The following KMT2D variants were observed in gnomAD, a reference collection of about 807,000 sequenced individuals.
The protein encoded by KMT2D is histone-lysine N-methyltransferase 2D.
In KMT2D, 55 loss-of-function variants were observed where a neutral mutation model predicts 512.7. That is an observed-to-expected ratio of 0.11 (90% confidence interval 0.09 to 0.13). The LOEUF is 0.13. Among genes scored for constraint, KMT2D ranks in the 10% least tolerant of loss-of-function variants. KMT2D has a pLI of 1.00. For synonymous variants in KMT2D, 2,995 were observed against 2,904.0 expected (o/e 1.03, Z -1.01); for missense variants, 6,061 against 7,127.9 (o/e 0.85, Z 5.39).
Position 49,041,704 on chromosome 12 carries a change from T to C in KMT2D, c.6185A>G (p.Gln2062Arg), listed in dbSNP as rs1943539925. 1 of 1,610,632 alleles carries C rather than the reference T, an allele frequency of 6.2e-7. No homozygotes were observed. The highest frequency in any genetic ancestry group is 8.5e-7 in the Non-Finnish European group (1 of 1,178,266). ...VPAADKAPYLQKAKDNRAAHR... is the reference protein window; with the variant it reads ...VPAADKAPYLRKAKDNRAAHR... ...AGCTGCCCGGTTATCTTTGGCCTTT[T>C]GCTGAGGGATATGGGACACAGCCTT... The change falls in exon 31 of 55, where the codon CAA becomes CGA. Residue 2062 changes from glutamine to arginine, a missense_variant and splice_region_variant. Coordinates refer to ENST00000301067, the MANE Select transcript of KMT2D (RefSeq NM_003482.4). This position sits in a 1 kb window ranked among gnomAD's most constrained non-coding sequence, Gnocchi z 5.4.
Position 49,051,424 on chromosome 12 carries a change from GGACAGGTGCGGCTCCTCA to G in KMT2D, c.2241_2258del (p.Glu748_Ser753del), listed in dbSNP as rs1938001760. The G allele has an allele frequency of 3.7e-6, 6 of 1,609,078 alleles. No homozygotes were observed. The highest frequency in any genetic ancestry group is 3.3e-4 in the Middle Eastern group (2 of 6,046). On this transcript the variant is annotated inframe_deletion, in exon 11 of 55. Coordinates refer to ENST00000301067, the MANE Select transcript of KMT2D (RefSeq NM_003482.4). The stretch of plus-strand genomic sequence containing the variant: ...ATAGGTGTGGCTCCTCAGGCCGGGG[GGACAGGTGCGGCTCCTCA>G]GGCCGGGGTGACAGGTGCGGCCCCT...
chr12:49,056,191 G>C (rs756875303), intron 1 of KMT2D, among the ~76,000 whole-genome samples: 1 of 152,192 alleles, frequency 6.6e-6, no homozygotes, highest in African/African-American at 2.4e-5. Context: ...TGTAGTCTCA[G>C]GAAGCATAGA....
Position 49,037,296 on chromosome 12 carries a change from C to T in KMT2D, c.10060G>A (p.Gly3354Arg), listed in dbSNP as rs1943267392. The T allele has an allele frequency of 1.2e-6, 2 of 1,613,502 alleles. No individual in the cohort carries two copies. Among genetic ancestry groups the T allele is most frequent in the East Asian group, 2.2e-5 (1 of 44,882 alleles). ...APSMAMVSNQGHMLSGQHGGQ... is the reference protein window; with the variant it reads ...APSMAMVSNQRHMLSGQHGGQ... ...CCATGCTGCCCACTTAGCATATGCC[C>T]TTGATTGGACACCATAGCCATGGAT... Residue 3354 changes from glycine (G) to arginine (R), a missense_variant, in exon 35 of 55, where the codon GGG becomes AGG. This residue lies in a region of KMT2D where 533 missense variants were observed against 539.6 expected (regional missense o/e 0.99). Coordinates refer to ENST00000301067, the MANE Select transcript of KMT2D (RefSeq NM_003482.4).
intron 6 of KMT2D, 85 bp from the exon 7 acceptor site, chr12:49,053,726 G>T (rs2120700607): frequency 7.0e-7 from 1 of 1,423,188 alleles, no homozygotes; most frequent in Non-Finnish European, 9.5e-7. Flanking sequence ...GGCACTCCAT[G>T]GGCACAGAAT....
chr12:49,050,947 G>C lies in KMT2D; in HGVS notation c.2736C>G (p.Pro912=), dbSNP rs369867316. The C allele has an allele frequency of 6.5e-7, 1 of 1,545,048 alleles. No individual in the cohort carries two copies. ...EPGEPPLSPL[P]EELPLSPSGE... The stretch of plus-strand genomic sequence containing the variant: ...CAGATGGGGACAACGGCAGCTCCTC[G>C]GGCAGAGGGGACAGAGGTGGTTCCC... Residue 912 remains proline, a synonymous_variant, in exon 11 of 55, where the codon CCC becomes CCG. Coordinates refer to ENST00000301067, the MANE Select transcript of KMT2D (RefSeq NM_003482.4).
intron 15 of KMT2D, 94 bp downstream of exon 15, chr12:49,047,870 GC>G: frequency 3.6e-6 from 3 of 834,270 alleles, no homozygotes; most frequent in Non-Finnish European, 6.1e-6. Context: ...ATGACCGATG[GC>G]CGCTTTAAGA....
Position 49,044,000 on chromosome 12 carries a change from TGTGGACAGAACGGAA to T in KMT2D, c.5189-17_5189-3del. ...CTGCAGGCAGGTCAGCAGGTATCAC[TGTGGACAGAACGGAA>T]GTGTCAGACTCGGGTTGAGAGCATG... On this transcript the variant is annotated splice_polypyrimidine_tract_variant and splice_region_variant and intron_variant, in intron 22 of 54. Coordinates refer to ENST00000301067, the MANE Select transcript of KMT2D (RefSeq NM_003482.4). 2 of 1,614,020 alleles carry T rather than the reference TGTGGACAGAACGGAA, an allele frequency of 1.2e-6. No homozygotes were observed. Among genetic ancestry groups the T allele is most frequent in the Non-Finnish European group, 1.7e-6 (2 of 1,179,876 alleles).
chr12:49,020,607 C>T lies in KMT2D; in HGVS notation c.*1173G>A, dbSNP rs1220406957. ...CCTCCCCGCGCTGACACTAAGCTCC[C>T]CCACCCCCACATCACCACCCCTTCC... is the stretch of plus-strand genomic sequence containing the variant. On this transcript the variant is annotated 3_prime_UTR_variant, in exon 55 of 55. Transcript: ENST00000301067. The T allele has an allele frequency of 5.0e-6, 1 of 199,794 alleles. No individual in the cohort carries two copies. The highest frequency in any genetic ancestry group is 2.3e-5 in the African/African-American group (1 of 42,584). 12.4% of individuals were successfully genotyped at this position (199,794 alleles called of 1,614,324 possible).
chr12:49,019,120 G>T lies in KMT2D; in HGVS notation c.*2660C>A, dbSNP rs1781845160. The T allele has an allele frequency of 8.6e-7, 1 of 1,160,384 alleles. No individual in the cohort carries two copies. The highest frequency in any genetic ancestry group is 1.6e-5 in the African/African-American group (1 of 63,002). 71.9% of individuals were successfully genotyped at this position (1,160,384 alleles called of 1,614,324 possible). ...TACAAAACATGCCAAGGACAGGGGC[G>T]CTGAGGGTGGAGGGAGAGAGGGCGC... On this transcript the variant is annotated 3_prime_UTR_variant, in exon 55 of 55. Coordinates refer to ENST00000301067, the MANE Select transcript of KMT2D (RefSeq NM_003482.4).
chr12:49,037,085 T>G lies in KMT2D; in HGVS notation c.10231+40A>C, dbSNP rs755467308. ...AGTGCCCATTTAGGGATAACAATAA[T>G]CACCCTGAGTAACTTGGCTATGTTA... On this transcript the variant is annotated intron_variant, in intron 35 of 54. Transcript: ENST00000301067. 3 of 1,527,746 alleles carry G rather than the reference T, an allele frequency of 2.0e-6. No homozygotes were observed. In the South Asian group the frequency reaches 3.9e-5, roughly 20 times the overall value. 94.6% of individuals were successfully genotyped at this position (1,527,746 alleles called of 1,614,324 possible).
rs1555191210 is a variant in KMT2D at position 49,038,970 on chromosome 12, G to C, written c.8386C>G (p.Gln2796Glu). 1 of 1,551,810 alleles carries C rather than the reference G, an allele frequency of 6.4e-7. No individual in the cohort carries two copies. The highest frequency in any genetic ancestry group is 1.2e-5 in the South Asian group (1 of 84,102). The change falls in exon 35 of 55, where the codon CAA becomes GAA. Residue 2796 changes from glutamine to glutamate, a missense_variant. This residue lies in a region of KMT2D where 527 missense variants were observed against 578.9 expected (regional missense o/e 0.91). Transcript: ENST00000301067. This position sits in a 1 kb window ranked among gnomAD's most constrained non-coding sequence, Gnocchi z 5.7. The part of the protein sequence containing the change: ...VNSRQLVGGS[Q>E]AFYQRAPYPG... ...TAGGGTGCTCGCTGATAGAAAGCTT[G>C]GGAGCCTCCTACCAGTTGCCTGGAA...
Position 49,020,485 on chromosome 12 carries a change from G to C in KMT2D, c.*1295C>G, listed in dbSNP as rs1009154476. 6 of 198,634 alleles carry C rather than the reference G, an allele frequency of 3.0e-5. No individual in the cohort carries two copies. The highest frequency in any genetic ancestry group is 2.1e-5 in the Non-Finnish European group (2 of 96,106). 12.3% of individuals were successfully genotyped at this position (198,634 alleles called of 1,614,324 possible). ...GTTTTACATTTGCTCTCCCCGGGGG[G>C]TGGGGGGAGAGGGGAGGGTTCTCAC... On this transcript the variant is annotated 3_prime_UTR_variant, in exon 55 of 55. Transcript: ENST00000301067.
chr12:49,051,990 G>C lies in KMT2D; in HGVS notation c.1693C>G (p.Pro565Ala), dbSNP rs1414168686. The C allele has an allele frequency of 6.2e-7, 1 of 1,613,622 alleles. No homozygotes were observed. Among genetic ancestry groups the C allele is most frequent in the African/African-American group, 1.3e-5 (1 of 74,912 alleles). ...GACAGGCGAGATGCTTCAGGTGGCG[G>C]GGAAGTGGGCAATTCCTCAGGTGGC... ...SPPPEELPTS[P>A]PPEASRLSPP... The change falls in exon 11 of 55, where the codon CCG becomes GCG. Residue 565 changes from proline (P) to alanine (A), a missense_variant. Physicochemically the swap from Pro to Ala is conservative, Grantham distance 27. Coordinates refer to ENST00000301067, the MANE Select transcript of KMT2D (RefSeq NM_003482.4).
rs1943793605 is a variant in KMT2D at position 49,046,544 on chromosome 12, C to G, written c.4418+65G>C. On this transcript the variant is annotated intron_variant, in intron 16 of 54. Transcript: ENST00000301067. The surrounding 1 kb of genome is among the most constrained non-coding windows in gnomAD (Gnocchi z 4.2). ...CTAAACCCAGCCTCTGTCACATACTCAACATCATATCCACTTTAACATCTC... is the reference window on the plus strand; with the variant it reads ...CTAAACCCAGCCTCTGTCACATACTGAACATCATATCCACTTTAACATCTC... The G allele has an allele frequency of 6.3e-7, 1 of 1,576,488 alleles. No homozygotes were observed. Among genetic ancestry groups the G allele is most frequent in the Admixed American group, 1.7e-5 (1 of 58,158 alleles).
chr12:49,038,182 G>A lies in KMT2D; in HGVS notation c.9174C>T (p.Asp3058=), dbSNP rs758659429. 17 of 1,613,892 alleles carry A rather than the reference G, an allele frequency of 1.1e-5. No individual in the cohort carries two copies. Among genetic ancestry groups the A allele is most frequent in the Non-Finnish European group, 1.4e-5 (16 of 1,179,902 alleles). Residue 3058 remains aspartate, a synonymous_variant, in exon 35 of 55, where the codon GAC becomes GAT. Coordinates refer to ENST00000301067, the MANE Select transcript of KMT2D (RefSeq NM_003482.4). This position sits in a 1 kb window ranked among gnomAD's most constrained non-coding sequence, Gnocchi z 5.7. The stretch of plus-strand genomic sequence containing the variant: ...TGAAGATATCCTTCTTGTCCCCAGT[G>A]TCCAGCTCAGGATCAGTATATGCCA... ...DLLAYTDPEL[D]TGDKKDIFNE...
chr12:49,058,707 A>G (rs1407139545), intron 1 of KMT2D, among the ~76,000 whole-genome samples: 1 of 152,146 alleles, frequency 6.6e-6, no homozygotes, highest in Non-Finnish European at 1.5e-5. Flanking sequence ...GGATCAGAAA[A>G]CCAGTTAACA....
At position 49,044,568 on chromosome 12, in the gene KMT2D, C is replaced by A. The variant is rs2120585726; in HGVS notation, c.4964-46G>T. ...GATGGAGGCAAATCAGAACTATAGG[C>A]CCTTTTAACCTTGTCATCCTGCCAC... On this transcript the variant is annotated intron_variant, in intron 20 of 54. Coordinates refer to ENST00000301067, the MANE Select transcript of KMT2D (RefSeq NM_003482.4). The surrounding 1 kb of genome is among the most constrained non-coding windows in gnomAD (Gnocchi z 6.4). 2 of 1,600,156 alleles carry A rather than the reference C, an allele frequency of 1.2e-6. No homozygotes were observed. Among genetic ancestry groups the A allele is most frequent in the African/African-American group, 1.3e-5 (1 of 74,436 alleles).
chr12:49,027,730 A>G, intron 48 of KMT2D, 73 bp downstream of exon 48: 1 of 1,533,336 alleles, frequency 6.5e-7, no homozygotes, highest in Non-Finnish European at 8.8e-7. Context: ...CTGGGATTAC[A>G]GATGTGAGCC....
At position 49,026,938 on chromosome 12, in the gene KMT2D, C is replaced by T. The variant is rs2120364889; in HGVS notation, c.15028G>A (p.Ala5010Thr). Reference protein sequence around the residue: ...SGRQEDEREVAEFMEQLGTAL... With the variant: ...SGRQEDEREVTEFMEQLGTAL... ...GTGCCAAGCTGCTCCATAAACTCTG[C>T]CACTTCCCGCTCATCCTCCTGCCGC... is the stretch of plus-strand genomic sequence containing the variant. Residue 5010 changes from alanine (A) to threonine (T), a missense_variant, in exon 49 of 55, where the codon GCA (alanine) becomes ACA (threonine). This residue lies in a region of KMT2D where 1,600 missense variants were observed against 1,754.9 expected (regional missense o/e 0.91). Coordinates refer to ENST00000301067, the MANE Select transcript of KMT2D (RefSeq NM_003482.4). The surrounding 1 kb of genome is among the most constrained non-coding windows in gnomAD (Gnocchi z 9.6). 6.2e-7 allele frequency: 1 copy of T among 1,614,024 alleles called. No individual in the cohort carries two copies. Among genetic ancestry groups the T allele is most frequent in the South Asian group, 1.1e-5 (1 of 91,084 alleles).
Sources: allele counts gnomAD v4.1 joint callset (sites outside exome capture counted in the v4.1 genomes callset), GRCh38; gene constraint gnomAD v4.1.1; regional missense constraint gnomAD v4.1.1; non-coding constraint Gnocchi (gnomAD v3.1); transcripts MANE v1.5; gene names NCBI Gene and HGNC (gene_info 2026-07-23, HGNC 2026-07-21).